The following JAKMIP2 variants were observed in gnomAD, a reference collection of about 807,000 sequenced individuals.
The protein encoded by JAKMIP2 is janus kinase and microtubule interacting protein 2, also known as janus kinase and microtubule-interacting protein 2.
In JAKMIP2, 25 loss-of-function variants were observed where a neutral mutation model predicts 115.0. That is an observed-to-expected ratio of 0.22 (90% confidence interval 0.16 to 0.30). The LOEUF (loss-of-function observed/expected upper bound fraction) is 0.30. JAKMIP2 is among the 10% of genes least tolerant of loss of function. The pLI, the probability that JAKMIP2 is intolerant of heterozygous loss-of-function variation, is 1.00. For missense variants in JAKMIP2, 642 were observed against 957.6 expected (o/e 0.67, Z 4.35); for synonymous variants, 334 against 343.6 (o/e 0.97, Z 0.31).
chr5:147,757,862 T>A (rs962401127), intron 1 of JAKMIP2, among the ~76,000 whole-genome samples: 27 of 152,152 alleles, frequency 1.8e-4, no homozygotes, highest in African/African-American at 6.3e-4. Flanking sequence ...GATGAAAAAT[T>A]TGACATATAT....
In JAKMIP2 at chr5:147,782,419, C is replaced by CTAAA. The variant is rs983578584; in HGVS notation, c.-149+33_-149+36dup. ...TATACACAGGTCAAATAAGAACACT[C>CTAAA]TAAACCAAGAAGGGAGCCCTACTGT... On this transcript the variant is annotated intron_variant, in intron 1 of 21. Coordinates refer to ENST00000616793, the MANE Select transcript of JAKMIP2 (RefSeq NM_001270941.2). 2.6e-6 allele frequency: 4 copies of CTAAA among 1,534,686 alleles called. No homozygotes were observed. In the African/African-American group the frequency reaches 5.5e-5, roughly 21 times the overall value.
intron 1 of JAKMIP2, among the ~76,000 whole-genome samples, chr5:147,695,684 G>C (rs71580448): frequency 0.027 from 4,032 of 149,354 alleles, 198 homozygotes; most frequent in African/African-American, 0.094. Context: ...GTGTGAGAGA[G>C]AGAGACAGAG....
At chr5:147,751,574 T>C (rs1387739584) in intron 1 of JAKMIP2, among the ~76,000 whole-genome samples, 3 of 137,196 alleles carry the variant, frequency 2.2e-5, no homozygotes, top group Non-Finnish European at 4.6e-5. Context: ...GTCTCTTCCA[T>C]AAGTACCTCC....
At chr5:147,693,833 A>C (rs1392334129) in intron 1 of JAKMIP2, among the ~76,000 whole-genome samples, 1 of 152,248 alleles carries the variant, frequency 6.6e-6, no homozygotes, top group East Asian at 1.9e-4. Context: ...TTAGAATTAC[A>C]ATTAATTTGG....
At chr5:147,610,533 C>T (rs919782187) in intron 20 of JAKMIP2, among the ~76,000 whole-genome samples, 2 of 152,222 alleles carry the variant, frequency 1.3e-5, no homozygotes, top group Non-Finnish European at 2.9e-5. Context: ...GCAAAGATTG[C>T]TGCCTGCTCC....
chr5:147,660,806 A>C, intron 3 of JAKMIP2, 142 bp downstream of exon 3: 8 of 890,326 alleles, frequency 9.0e-6, no homozygotes, highest in East Asian at 2.4e-5. Flanking sequence ...ATACTGATCT[A>C]TCTTGGATAG....
intron 20 of JAKMIP2, among the ~76,000 whole-genome samples, chr5:147,609,496 A>G (rs1049208684): frequency 2.6e-5 from 4 of 152,132 alleles, no homozygotes; most frequent in Non-Finnish European, 4.4e-5. Flanking sequence ...AATGTTGAAT[A>G]TTGGCCCCTA....
rs1758941390 is a variant in JAKMIP2 at position 147,661,102 on chromosome 5, T to C, written c.473A>G (p.Asp158Gly). 1.2e-6 allele frequency: 2 copies of C among 1,613,924 alleles called. No homozygotes were observed. The highest frequency in any genetic ancestry group is 1.7e-6 in the Non-Finnish European group (2 of 1,180,026). The change falls in exon 3 of 22, where the codon GAC (aspartate) becomes GGC (glycine). Residue 158 changes from aspartate to glycine, a missense_variant. This residue lies in a region of JAKMIP2 where 439 missense variants were observed against 570.9 expected (regional missense o/e 0.77). Coordinates refer to ENST00000616793, the MANE Select transcript of JAKMIP2 (RefSeq NM_001270941.2). ...CACCTGCTTCTTGGCCGTTTTCAGG[T>C]CCGCAATTTCCTGTAAGAGCTTAAG... Reference protein sequence around the residue: ...ERLKLLQEIADLKTAKKQVDE... With the variant: ...ERLKLLQEIAGLKTAKKQVDE...
intron 7 of JAKMIP2, among the ~76,000 whole-genome samples, chr5:147,642,510 T>C (rs1269822747): frequency 6.6e-6 from 1 of 152,132 alleles, no homozygotes; most frequent in Non-Finnish European, 1.5e-5. Context: ...CAAAATTCTA[T>C]AAAAAATTTA....
intron 16 of JAKMIP2, among the ~76,000 whole-genome samples, chr5:147,624,890 G>A (rs983950784): frequency 1.3e-5 from 2 of 152,122 alleles, no homozygotes; most frequent in Non-Finnish European, 2.9e-5. Context: ...AATAAGTAAA[G>A]ATTAAGGAAG....
intron 1 of JAKMIP2, among the ~76,000 whole-genome samples, chr5:147,684,320 C>T (rs1342035832): frequency 1.3e-5 from 2 of 151,982 alleles, no homozygotes; most frequent in African/African-American, 4.8e-5. Context: ...CACACACACA[C>T]ACACACACAC....
At chr5:147,693,446 C>T (rs1751963538) in intron 1 of JAKMIP2, among the ~76,000 whole-genome samples, 2 of 152,300 alleles carry the variant, frequency 1.3e-5, no homozygotes, top group South Asian at 4.1e-4. Flanking sequence ...GCTTTTCTCA[C>T]CTACTTACAT....
At chr5:147,778,395 T>C (rs1580916003) in intron 1 of JAKMIP2, among the ~76,000 whole-genome samples, 1 of 152,114 alleles carries the variant, frequency 6.6e-6, no homozygotes, top group Non-Finnish European at 1.5e-5. Flanking sequence ...TTTTGGTACC[T>C]GAAATATTCA....
intron 1 of JAKMIP2, among the ~76,000 whole-genome samples, chr5:147,720,788 G>A (rs1187938606): frequency 6.6e-6 from 1 of 151,150 alleles, no homozygotes; most frequent in African/African-American, 2.4e-5. Context: ...TTTGCCTTTG[G>A]TTTGAATGTC....
At chr5:147,770,895 A>C (rs968212662) in intron 1 of JAKMIP2, among the ~76,000 whole-genome samples, 4 of 152,140 alleles carry the variant, frequency 2.6e-5, no homozygotes, top group African/African-American at 4.8e-5. Context: ...CAGAACTCAC[A>C]CAAAATCTCT....
chr5:147,645,434 C>T (rs1318324787), intron 5 of JAKMIP2, among the ~76,000 whole-genome samples: 2 of 152,148 alleles, frequency 1.3e-5, no homozygotes, highest in Non-Finnish European at 2.9e-5. Flanking sequence ...GAATCCAAGC[C>T]TGGTTATGTC....
chr5:147,734,534 G>A (rs1753849128), intron 1 of JAKMIP2, among the ~76,000 whole-genome samples: 1 of 151,634 alleles, frequency 6.6e-6, no homozygotes, highest in Admixed American at 6.6e-5. Flanking sequence ...ACAGCATTAG[G>A]AGAAATACCT....
chr5:147,668,384 G>A (rs1363211342), intron 2 of JAKMIP2, among the ~76,000 whole-genome samples: 1 of 152,160 alleles, frequency 6.6e-6, no homozygotes, highest in East Asian at 1.9e-4. Flanking sequence ...AGAGACAAAT[G>A]GGGCAAATAC....
At chr5:147,602,774 C>T (rs1050832931) in intron 20 of JAKMIP2, among the ~76,000 whole-genome samples, 2 of 152,192 alleles carry the variant, frequency 1.3e-5, no homozygotes, top group Non-Finnish European at 2.9e-5. Context: ...AGGAACATAC[C>T]GTTGGACACA....
Sources: allele counts gnomAD v4.1 joint callset (sites outside exome capture counted in the v4.1 genomes callset), GRCh38; gene constraint gnomAD v4.1.1; regional missense constraint gnomAD v4.1.1; transcripts MANE v1.5; gene names NCBI Gene and HGNC (gene_info 2026-07-23, HGNC 2026-07-21).